COX10: variants seen among roughly 807,000 people sequenced by gnomAD.
The protein encoded by COX10 is protoheme IX farnesyltransferase, mitochondrial.
Under a neutral mutation model 37.3 loss-of-function variants are expected in COX10, and 27 were observed. The observed-to-expected ratio is 0.72, with a 90% CI of 0.53 to 1.00. COX10 has a LOEUF of 1.00. Ranked by LOEUF, COX10 falls within the 50% of genes least tolerant of loss-of-function variation. The pLI is 0.00. For missense variants in COX10, 475 were observed against 563.2 expected (o/e 0.84, Z 1.59); for synonymous variants, 222 against 229.1 (o/e 0.97, Z 0.28).
intron 4 of COX10, among the ~76,000 whole-genome samples, chr17:14,125,930 A>C (rs1032779204): frequency 4.6e-5 from 7 of 152,238 alleles, no homozygotes; most frequent in Middle Eastern, 3.4e-3. Context: ...TGCTCACTAA[A>C]TCTATTTTGT....
intron 3 of COX10, among the ~76,000 whole-genome samples, chr17:14,100,850 A>G (rs958677388): frequency 6.6e-6 from 1 of 152,066 alleles, no homozygotes; most frequent in Non-Finnish European, 1.5e-5. Flanking sequence ...TGCTTGGACT[A>G]TGTTAGGGTT....
At chr17:14,079,921 A>G (rs1343424073) in intron 3 of COX10, among the ~76,000 whole-genome samples, 3 of 151,908 alleles carry the variant, frequency 2.0e-5, no homozygotes, top group Non-Finnish European at 4.4e-5. Flanking sequence ...TTCTTATGAC[A>G]GTATAGTTTT....
chr17:14,191,328 C>T lies in COX10; in HGVS notation c.696-661C>T, dbSNP rs984819649. On this transcript the variant is annotated intron_variant, in intron 5 of 6. Coordinates refer to ENST00000261643, the MANE Select transcript of COX10 (RefSeq NM_001303.4). ...CCTTGAAAATCCCGTGTGCATAAGT[C>T]ACGTTACAGCACTGGTACTACACAA... Among the ~76,000 whole-genome samples the T allele has an allele frequency of 6.1e-5, 9 of 147,560 alleles. No homozygotes were observed. The Admixed American group carries it at 6.2e-4, about 10-fold the overall frequency.
intron 4 of COX10, among the ~76,000 whole-genome samples, chr17:14,136,964 T>C (rs926774743): frequency 5.3e-5 from 8 of 152,006 alleles, no homozygotes; most frequent in African/African-American, 1.9e-4. Flanking sequence ...TTTTTTTGTG[T>C]GTGTTTCTTT....
chr17:14,157,866 A>G (rs1373706786), intron 4 of COX10, among the ~76,000 whole-genome samples: 1 of 152,238 alleles, frequency 6.6e-6, no homozygotes, highest in Non-Finnish European at 1.5e-5. Context: ...TGTGTAGCCC[A>G]TCCTTCATAA....
intron 1 of COX10, among the ~76,000 whole-genome samples, chr17:14,070,251 C>T (rs1355443800): frequency 6.6e-6 from 1 of 152,174 alleles, no homozygotes; most frequent in African/African-American, 2.4e-5. Flanking sequence ...TCAAATGTCA[C>T]CTTTTCAGAG....
chr17:14,130,590 A>G (rs866683458), intron 4 of COX10, among the ~76,000 whole-genome samples: 7 of 151,744 alleles, frequency 4.6e-5, no homozygotes, highest in South Asian at 4.2e-4. Context: ...CCCTTATAGG[A>G]TTTTTTTTCT....
chr17:14,097,246 C>T (rs559791223), intron 3 of COX10, among the ~76,000 whole-genome samples: 5 of 151,796 alleles, frequency 3.3e-5, no homozygotes, highest in Non-Finnish European at 5.9e-5. Context: ...ACAATTTATC[C>T]GTCCTCACTG....
chr17:14,192,286 A>G, intron 6 of COX10, 65 bp downstream of exon 6: 2 of 1,613,888 alleles, frequency 1.2e-6, no homozygotes, highest in Non-Finnish European at 8.5e-7. Context: ...TTCCTCCCTG[A>G]GCTGTAGCAC....
chr17:14,162,837 G>A (rs1320202538), intron 5 of COX10, among the ~76,000 whole-genome samples: 2 of 152,200 alleles, frequency 1.3e-5, no homozygotes, highest in Admixed American at 6.5e-5. Context: ...GGCATCTAAA[G>A]TAAATTTCAA....
At chr17:14,109,692 C>T (rs1915971280) in intron 4 of COX10, among the ~76,000 whole-genome samples, 1 of 152,030 alleles carries the variant, frequency 6.6e-6, no homozygotes, top group African/African-American at 2.4e-5. Context: ...CCAGTCACTA[C>T]CTTGGAATCA....
chr17:14,169,017 T>A (rs889935729), intron 5 of COX10, among the ~76,000 whole-genome samples: 10 of 152,256 alleles, frequency 6.6e-5, no homozygotes, highest in African/African-American at 2.2e-4. Flanking sequence ...TCCGAACTTT[T>A]AAGTTCTGCC....
At chr17:14,199,609 C>G (rs1906466892) in intron 6 of COX10, among the ~76,000 whole-genome samples, 1 of 152,176 alleles carries the variant, frequency 6.6e-6, no homozygotes, top group Non-Finnish European at 1.5e-5. Context: ...GCCCACTGAG[C>G]CTCTCCATTA....
chr17:14,184,633 C>G (rs1016068892), intron 5 of COX10, among the ~76,000 whole-genome samples: 3 of 152,198 alleles, frequency 2.0e-5, no homozygotes, highest in Non-Finnish European at 2.9e-5. Flanking sequence ...AGTCAGAAGT[C>G]TAAGGATATA....
chr17:14,136,076 T>A (rs1355866239), intron 4 of COX10, among the ~76,000 whole-genome samples: 1 of 151,862 alleles, frequency 6.6e-6, no homozygotes, highest in African/African-American at 2.4e-5. Flanking sequence ...AATGTAAAGG[T>A]GATTGATTTT....
chr17:14,144,236 T>C (rs1433052146), intron 4 of COX10, among the ~76,000 whole-genome samples: 1 of 152,188 alleles, frequency 6.6e-6, no homozygotes, highest in Non-Finnish European at 1.5e-5. Flanking sequence ...ACATCATTTT[T>C]CTGCAGTAAA....
chr17:14,139,282 T>A (rs1301169609), intron 4 of COX10, among the ~76,000 whole-genome samples: 1 of 152,144 alleles, frequency 6.6e-6, no homozygotes, highest in Non-Finnish European at 1.5e-5. Context: ...TAGCTATAGA[T>A]TTTCACCTGC....
chr17:14,105,861 A>T (rs1915880652), intron 4 of COX10, among the ~76,000 whole-genome samples: 1 of 152,078 alleles, frequency 6.6e-6, no homozygotes, highest in South Asian at 2.1e-4. Flanking sequence ...TCACATACAC[A>T]CATATCTTCA....
chr17:14,157,154 C>T (rs1232608325), intron 4 of COX10, among the ~76,000 whole-genome samples: 1 of 152,208 alleles, frequency 6.6e-6, no homozygotes. Flanking sequence ...TATAAAAAGA[C>T]AGTGGCTTGT....
Sources: allele counts gnomAD v4.1 joint callset (sites outside exome capture counted in the v4.1 genomes callset), GRCh38; gene constraint gnomAD v4.1.1; transcripts MANE v1.5; gene names NCBI Gene and HGNC (gene_info 2026-07-23, HGNC 2026-07-21).